SH2D2A: variants seen among roughly 807,000 people sequenced by gnomAD.
The protein encoded by SH2D2A is SH2 domain containing 2A.
In SH2D2A, 33 loss-of-function variants were observed where a neutral mutation model predicts 43.6. The observed-to-expected ratio is 0.76, with a 90% confidence interval of 0.57 to 1.01. SH2D2A has a LOEUF of 1.01. Ranked by LOEUF, SH2D2A falls within the 50% of genes least tolerant of loss-of-function variation. The pLI, the probability that SH2D2A is intolerant of heterozygous loss-of-function variation, is 0.00. For synonymous variants in SH2D2A, 212 were observed against 206.1 expected (o/e 1.03, Z -0.25); for missense variants, 491 against 503.1 (o/e 0.98, Z 0.23).
At chr1:156,811,060 A>G (rs4661221) in intron 5 of SH2D2A, among the ~76,000 whole-genome samples, 13,620 of 152,142 alleles carry the variant, frequency 0.09, 781 homozygotes, top group African/African-American at 0.16. Flanking sequence ...AAATCAAAGA[A>G]TTCTTTTTCC....
chr1:156,814,092 C>T (rs750618763), intron 4 of SH2D2A, 76 bp from the exon 5 acceptor site: 203 of 1,506,914 alleles, frequency 1.3e-4, no homozygotes, highest in Non-Finnish European at 1.6e-4. Context: ...TGATCCCCAC[C>T]TTCAGCAGCC....
At position 156,811,699 on chromosome 1, in the gene SH2D2A, C is replaced by G. The variant is rs148738332; in HGVS notation, c.568-1892G>C. Among the ~76,000 whole-genome samples, 455 of 152,314 alleles carry G rather than the reference C, an allele frequency of 3.0e-3. 4 individuals are homozygous for G. Among genetic ancestry groups the G allele is most frequent in the African/African-American group, 0.01 (429 of 41,564 alleles). On this transcript the variant is annotated intron_variant, in intron 5 of 8. Coordinates refer to ENST00000368199, the MANE Select transcript of SH2D2A (RefSeq NM_003975.4). Reference sequence around the variant, plus strand: ...AATTCCACCCTCTGCCCTCACCCGCCTTCACTCACTTTCTTCGCTTGGCTT... The same window carrying G: ...AATTCCACCCTCTGCCCTCACCCGCGTTCACTCACTTTCTTCGCTTGGCTT...
Position 156,807,039 on chromosome 1 carries a change from A to T in SH2D2A, c.*3+136T>A. On this transcript the variant is annotated intron_variant, in intron 8 of 8. Coordinates refer to ENST00000368199, the MANE Select transcript of SH2D2A (RefSeq NM_003975.4). This position sits in a 1 kb window ranked among gnomAD's most constrained non-coding sequence, Gnocchi z 5.1. ...GACACCTCTTTGCCATCCTTGCAAT[A>T]GATGATGGCTGAGCTCCTTTCCAGC... The T allele has an allele frequency of 1.2e-6, 1 of 823,888 alleles. No homozygotes were observed. 51.0% of individuals were successfully genotyped at this position (823,888 alleles called of 1,614,324 possible). A position where few individuals can be genotyped will look rare whatever the true frequency, so the allele number is the denominator to read the frequency against.
chr1:156,814,608 A>T, intron 3 of SH2D2A: 2 of 471,448 alleles, frequency 4.2e-6, no homozygotes. Context: ...TCCAGATTTC[A>T]GAAGTCAAAG....
In SH2D2A at chr1:156,809,376, T is replaced by C. The variant is rs1653224200; in HGVS notation, c.829A>G (p.Asn277Asp). ...HRPAPRPKPS[N>D]PIYNEPDEPI... ...TCATCAGGCTCATTGTAGATAGGAT[T>C]GGAGGGCTTGGGGCGTGGGGCCGGG... Residue 277 changes from asparagine (N) to aspartate (D), a missense_variant, in exon 7 of 9, where the codon AAT becomes GAT. Transcript: ENST00000368199. This position sits in a 1 kb window ranked among gnomAD's most constrained non-coding sequence, Gnocchi z 4.8. 1 of 1,613,846 alleles carries C rather than the reference T, an allele frequency of 6.2e-7. No homozygotes were observed. Among genetic ancestry groups the C allele is most frequent in the Non-Finnish European group, 8.5e-7 (1 of 1,179,988 alleles).
At chr1:156,810,259 G>A (rs749093882) in intron 5 of SH2D2A, among the ~76,000 whole-genome samples, 12 of 152,172 alleles carry the variant, frequency 7.9e-5, no homozygotes, top group Non-Finnish European at 1.6e-4. Context: ...GCTTGGTCTT[G>A]AACTCTTGGG....
At position 156,809,898 on chromosome 1, in the gene SH2D2A, G is replaced by A; in HGVS notation, c.568-91C>T. On this transcript the variant is annotated intron_variant, in intron 5 of 8. Transcript: ENST00000368199. This position sits in a 1 kb window ranked among gnomAD's most constrained non-coding sequence, Gnocchi z 4.8. ...GACAAAATAATCCAGTCTAAGTGGA[G>A]GATGGGGGAAGGGGGAGGAGCACAG... 2 of 1,447,430 alleles carry A rather than the reference G, an allele frequency of 1.4e-6. No homozygotes were observed. Among genetic ancestry groups the A allele is most frequent in the Non-Finnish European group, 1.9e-6 (2 of 1,051,170 alleles). The allele number at this position is 1,447,430 out of a possible 1,614,324, so 89.7% of individuals were successfully genotyped here.
At position 156,816,699 on chromosome 1, in the gene SH2D2A, G is replaced by A. The variant is rs1247768821; in HGVS notation, c.10C>T (p.Pro4Ser). 5 of 1,601,022 alleles carry A rather than the reference G, an allele frequency of 3.1e-6. No homozygotes were observed. Among genetic ancestry groups the A allele is most frequent in the Non-Finnish European group, 4.3e-6 (5 of 1,173,302 alleles). MEF[P>S]LAQICPQGSH... ...CCTTGGGGACATATCTGGGCCAGGG[G>A]GAACTCCATGAGGGCAGCCTCACAA... The change falls in exon 1 of 9, where the codon CCC becomes TCC. Residue 4 changes from proline (P) to serine (S), a missense_variant. Coordinates refer to ENST00000368199, the MANE Select transcript of SH2D2A (RefSeq NM_003975.4).
At chr1:156,815,387 T>G (rs1041678090) in intron 2 of SH2D2A, 166 bp from the exon 3 acceptor site, 3 of 596,062 alleles carry the variant, frequency 5.0e-6, no homozygotes, top group Admixed American at 3.2e-5. Flanking sequence ...AAATCCCTTC[T>G]TCAGCTCCAG....
At chr1:156,814,960 T>C (rs1318846383) in intron 3 of SH2D2A, 77 bp downstream of exon 3, 8 of 1,295,448 alleles carry the variant, frequency 6.2e-6, no homozygotes, top group Non-Finnish European at 8.2e-6. Context: ...CCTTCATCTA[T>C]TCCTGGCAGG....
intron 7 of SH2D2A, among the ~76,000 whole-genome samples, chr1:156,808,287 A>G (rs1571608120): frequency 1.3e-5 from 2 of 152,192 alleles, no homozygotes; most frequent in East Asian, 3.9e-4. Flanking sequence ...GGGTAGCTGG[A>G]GAGTTAGCAA....
chr1:156,812,329 C>T (rs1489334322), intron 5 of SH2D2A, among the ~76,000 whole-genome samples: 1 of 152,160 alleles, frequency 6.6e-6, no homozygotes, highest in Non-Finnish European at 1.5e-5. Flanking sequence ...CAAATGCATA[C>T]AAGAGTCTAC....
intron 2 of SH2D2A, chr1:156,815,608 C>G: frequency 1.5e-6 from 1 of 648,998 alleles, no homozygotes; most frequent in Non-Finnish European, 2.8e-6. Flanking sequence ...GGGCTTACTT[C>G]ATAATATGAG....
At position 156,816,682 on chromosome 1, in the gene SH2D2A, A is replaced by G. The variant is rs1338780730; in HGVS notation, c.27T>C (p.Cys9=). Reference sequence around the variant, plus strand: ...CTTCAACTTCACACTTACCTTGGGGACATATCTGGGCCAGGGGGAACTCCA... The same window carrying G: ...CTTCAACTTCACACTTACCTTGGGGGCATATCTGGGCCAGGGGGAACTCCA... The part of the protein sequence containing the change: MEFPLAQI[C]PQGSHEAPIP... Residue 9 remains cysteine (C), a synonymous_variant, in exon 1 of 9, where the codon TGT becomes TGC. Transcript: ENST00000368199. 1.2e-6 allele frequency: 2 copies of G among 1,601,822 alleles called. No individual in the cohort carries two copies. The highest frequency in any genetic ancestry group is 2.2e-5 in the South Asian group (2 of 89,788).
At chr1:156,815,266 T>C in intron 2 of SH2D2A, 45 bp from the exon 3 acceptor site, 1 of 1,384,116 alleles carries the variant, frequency 7.2e-7, no homozygotes, top group Non-Finnish European at 9.5e-7. Flanking sequence ...GCATGATGAG[T>C]GGGCCTTCTC....
rs1473740762 is a variant in SH2D2A, at chr1:156,806,572, A to T, written c.*5T>A. 1.3e-5 allele frequency: 2 copies of T among 155,238 alleles called. No individual in the cohort carries two copies. The highest frequency in any genetic ancestry group is 2.9e-5 in the Non-Finnish European group (2 of 70,062). 9.6% of individuals were successfully genotyped at this position (155,238 alleles called of 1,614,324 possible). A position where few individuals can be genotyped will look rare whatever the true frequency, so the allele number is the denominator to read the frequency against. ...GCTTCTTTGTTGGGGGTCAGGCCAG[A>T]CCTGTCAGGGGGACAGAGTTAAGCC... On this transcript the variant is annotated splice_region_variant and 3_prime_UTR_variant, in exon 9 of 9. Coordinates refer to ENST00000368199, the MANE Select transcript of SH2D2A (RefSeq NM_003975.4).
chr1:156,806,737 C>G (rs771644425), intron 8 of SH2D2A, among the ~76,000 whole-genome samples, 164 bp from the exon 9 acceptor site: 7 of 152,176 alleles, frequency 4.6e-5, no homozygotes, highest in Non-Finnish European at 7.3e-5. Context: ...AGGAACAAAG[C>G]ACTAAACAGG....
chr1:156,815,943 C>A (rs1190294634), intron 2 of SH2D2A, 63 bp downstream of exon 2: 30 of 1,603,734 alleles, frequency 1.9e-5, no homozygotes, highest in Non-Finnish European at 2.4e-5. Context: ...CAAGTCCTTC[C>A]CCATGGGAGG....
chr1:156,816,799 A>C lies in SH2D2A; in HGVS notation c.-91T>G. 1.6e-6 allele frequency: 2 copies of C among 1,243,682 alleles called. No individual in the cohort carries two copies. Among genetic ancestry groups the C allele is most frequent in the Non-Finnish European group, 2.2e-6 (2 of 919,832 alleles). The allele number at this position is 1,243,682 out of a possible 1,614,324, so 77.0% of individuals were successfully genotyped here. ...TCAGCAACTCATCATCTCTCCTCTC[A>C]CCCTGGCCCCGGGGGCAGGAAATGT... On this transcript the variant is annotated 5_prime_UTR_variant, in exon 1 of 9. Coordinates refer to ENST00000368199, the MANE Select transcript of SH2D2A (RefSeq NM_003975.4).
Sources: allele counts gnomAD v4.1 joint callset (sites outside exome capture counted in the v4.1 genomes callset), GRCh38; gene constraint gnomAD v4.1.1; non-coding constraint Gnocchi (gnomAD v3.1); transcripts MANE v1.5; gene names NCBI Gene and HGNC (gene_info 2026-07-23, HGNC 2026-07-21).